AACS: variants seen among roughly 807,000 people sequenced by gnomAD.
AACS encodes acetoacetyl-CoA synthetase.
In AACS, 69 loss-of-function variants were observed where a neutral mutation model predicts 83.1. That is an observed-to-expected ratio of 0.83 (90% confidence interval 0.68 to 1.01). The LOEUF is 1.01. Ranked by LOEUF, AACS falls within the 50% of genes least tolerant of loss-of-function variation. The probability of loss-of-function intolerance (pLI) is 0.00; values close to 1 mark genes in which losing one functional copy is unlikely to be tolerated. For synonymous variants in AACS, 333 were observed against 343.4 expected (o/e 0.97, Z 0.33); for missense variants, 866 against 882.2 (o/e 0.98, Z 0.23).
rs1309920206 is a variant in AACS, at chr12:125,134,787, T to C, written c.1620-7T>C. Reference sequence around the variant, plus strand: ...CGGTGTGGCCCTGACCTCTTCTCTCTTTCCAGTGACGGCACCCTCAACCCC... The same window carrying C: ...CGGTGTGGCCCTGACCTCTTCTCTCCTTCCAGTGACGGCACCCTCAACCCC... On this transcript the variant is annotated splice_polypyrimidine_tract_variant and splice_region_variant and intron_variant, in intron 15 of 17. Transcript: ENST00000316519. 3 of 1,614,032 alleles carry C rather than the reference T, an allele frequency of 1.9e-6. No homozygotes were observed. In the Admixed American group the frequency reaches 5.0e-5, roughly 27 times the overall value.
At chr12:125,098,393 A>G (rs73421898) in intron 5 of AACS, among the ~76,000 whole-genome samples, 3 of 134,904 alleles carry the variant, frequency 2.2e-5, no homozygotes, top group Non-Finnish European at 5.1e-5. Flanking sequence ...AACCCTGTCT[A>G]AAAAAAAAAA....
Position 125,103,986 on chromosome 12 carries a change from T to TAAAAAA in AACS, c.767+905_767+906insAAAAAA, listed in dbSNP as rs1565940149. On this transcript the variant is annotated intron_variant, in intron 7 of 17. Coordinates refer to ENST00000316519, the MANE Select transcript of AACS (RefSeq NM_023928.5). ...CTGGGCAAAAAAGCGAAACTCCGTCTCAAAAAAAAAAAAAAAAAAAAAAAA... is the reference window on the plus strand; with the variant it reads ...CTGGGCAAAAAAGCGAAACTCCGTCTAAAAAACAAAAAAAAAAAAAAAAAAAAAAAA... 1.5e-3 allele frequency among the ~76,000 whole-genome samples: 3 copies of TAAAAAA among 1,986 alleles called. 1 individual carries two copies. Among genetic ancestry groups the TAAAAAA allele is most frequent in the Non-Finnish European group, 6.9e-3 (3 of 436 alleles). 1.3% of individuals were successfully genotyped at this position (1,986 alleles called of 152,430 possible). A position where few individuals can be genotyped will look rare whatever the true frequency, so the allele number is the denominator to read the frequency against.
chr12:125,116,516 T>G (rs1369834713), intron 9 of AACS, among the ~76,000 whole-genome samples: 1 of 152,136 alleles, frequency 6.6e-6, no homozygotes, highest in Non-Finnish European at 1.5e-5. Context: ...CAGGCTGGAG[T>G]GCAGTGGCGC....
chr12:125,111,209 G>A (rs1005024592), intron 8 of AACS, among the ~76,000 whole-genome samples: 4 of 151,742 alleles, frequency 2.6e-5, no homozygotes, highest in Admixed American at 1.3e-4. Context: ...AGTTGGAATC[G>A]CGTTTTCCCT....
At chr12:125,127,993 T>C in intron 12 of AACS, 168 bp from the exon 13 acceptor site, 1 of 468,588 alleles carries the variant, frequency 2.1e-6, no homozygotes, top group Non-Finnish European at 3.8e-6. Flanking sequence ...CCATATCACC[T>C]CTCCCACTGC....
chr12:125,105,022 A>G (rs1956803049), intron 7 of AACS: 1 of 151,784 alleles, frequency 6.6e-6, no homozygotes, highest in Non-Finnish European at 1.5e-5. Flanking sequence ...GGGGTGCCAC[A>G]CACTTTTCAA....
chr12:125,085,474 G>A (rs530762436), intron 3 of AACS, among the ~76,000 whole-genome samples: 4 of 150,040 alleles, frequency 2.7e-5, no homozygotes, highest in Non-Finnish European at 4.4e-5. Context: ...CGTGTGTTTC[G>A]TGGAACCACA....
At chr12:125,114,422 T>C in intron 8 of AACS, 55 bp from the exon 9 acceptor site, 1 of 1,468,110 alleles carries the variant, frequency 6.8e-7, no homozygotes, top group South Asian at 1.2e-5. Context: ...GGTACCAGAT[T>C]CCTGGTACTG....
intron 8 of AACS, among the ~76,000 whole-genome samples, chr12:125,111,562 A>T (rs1031082057): frequency 6.6e-6 from 1 of 152,224 alleles, no homozygotes; most frequent in Non-Finnish European, 1.5e-5. Context: ...GTGACTAAGC[A>T]TCTTGCTCGT....
intron 17 of AACS, 143 bp downstream of exon 17, chr12:125,137,007 C>A: frequency 1.3e-6 from 1 of 796,934 alleles, no homozygotes; most frequent in Non-Finnish European, 2.0e-6. Context: ...CTCTCCCTGC[C>A]ATCCTTTTTC....
rs536383992 is a variant in AACS, at chr12:125,113,394, C to T, written c.916-1083C>T. On this transcript the variant is annotated intron_variant, in intron 8 of 17. Coordinates refer to ENST00000316519, the MANE Select transcript of AACS (RefSeq NM_023928.5). The surrounding 1 kb of genome is among the most constrained non-coding windows in gnomAD (Gnocchi z 4.8). ...GTGGTCACTGAAGGGGCAGCATCCC[C>T]GTCTGTCCTCAGGATCTTGTACGAG... Among the ~76,000 whole-genome samples, 4 of 152,342 alleles carry T rather than the reference C, an allele frequency of 2.6e-5. 1 individual carries two copies. Among genetic ancestry groups the T allele is most frequent in the African/African-American group, 9.6e-5 (4 of 41,578 alleles).
Position 125,080,590 on chromosome 12 carries a change from C to T in AACS, c.358+3979C>T, listed in dbSNP as rs541644603. On this transcript the variant is annotated intron_variant, in intron 3 of 17. Coordinates refer to ENST00000316519, the MANE Select transcript of AACS (RefSeq NM_023928.5). The stretch of plus-strand genomic sequence containing the variant: ...TATAATTCTGTGTCTGTTTCACACC[C>T]CCTACCCCTTTACCTTAGCCTGTCT... Among the ~76,000 whole-genome samples, 48 of 152,148 alleles carry T rather than the reference C, an allele frequency of 3.2e-4. 1 individual carries two copies. The highest frequency in any genetic ancestry group is 1.5e-3 in the East Asian group (8 of 5,186).
chr12:125,103,160 T>C (rs7138557), intron 7 of AACS, 79 bp downstream of exon 7: 519,227 of 1,230,146 alleles, frequency 0.42, 112,000 homozygotes, highest in East Asian at 0.46. Flanking sequence ...CTGGATCTTC[T>C]ACTTGGGGTC....
chr12:125,069,869 G>A (rs1032673565), intron 1 of AACS, among the ~76,000 whole-genome samples: 1 of 152,218 alleles, frequency 6.6e-6, no homozygotes. Flanking sequence ...GTTAGTGGAC[G>A]CTGGGCATTC....
intron 2 of AACS, among the ~76,000 whole-genome samples, chr12:125,074,242 T>C (rs1157178396): frequency 1.3e-5 from 2 of 152,162 alleles, no homozygotes; most frequent in Non-Finnish European, 2.9e-5. Flanking sequence ...TTTGTTTGTT[T>C]GTTTGTTTTT....
At position 125,129,370 on chromosome 12, in the gene AACS, T is replaced by G; in HGVS notation, c.1459T>G (p.Cys487Gly). The G allele has an allele frequency of 5.0e-6, 8 of 1,613,676 alleles. No individual in the cohort carries two copies. Among genetic ancestry groups the G allele is most frequent in the Non-Finnish European group, 6.8e-6 (8 of 1,179,846 alleles). The change falls in exon 14 of 18, where the codon TGT becomes GGT. Residue 487 changes from cysteine (C) to glycine (G), a missense_variant. Physicochemically the swap from Cys to Gly is radical, Grantham distance 159. Coordinates refer to ENST00000316519, the MANE Select transcript of AACS (RefSeq NM_023928.5). This position sits in a 1 kb window ranked among gnomAD's most constrained non-coding sequence, Gnocchi z 4.3. ...CTGGGGAGAGAGCGGCGAGCTGGTGTGTACTAAGCCGATCCCTTGCCAGCC... is the reference window on the plus strand; with the variant it reads ...CTGGGGAGAGAGCGGCGAGCTGGTGGGTACTAAGCCGATCCCTTGCCAGCC... ...AVWGESGELVCTKPIPCQPTH... is the reference protein window; with the variant it reads ...AVWGESGELVGTKPIPCQPTH...
rs150484187 is a variant in AACS at position 125,118,733 on chromosome 12, C to T, written c.1089C>T (p.Pro363=). ...ATGGCTCCCCCCTGGTGCCCACGCC[C>T]AATGTGCTCTGGGACCTGGTTGACA... The part of the protein sequence containing the change: ...LYDGSPLVPT[P]NVLWDLVDRI... Residue 363 remains proline, a synonymous_variant, in exon 10 of 18, where the codon CCC becomes CCT. Transcript: ENST00000316519. 3.4e-5 allele frequency: 55 copies of T among 1,614,026 alleles called. No individual in the cohort carries two copies. The African/African-American group carries it at 6.7e-4, about 20-fold the overall frequency.
chr12:125,085,081 G>C lies in AACS; in HGVS notation c.359-1249G>C, dbSNP rs1956299867. On this transcript the variant is annotated intron_variant, in intron 3 of 17. Coordinates refer to ENST00000316519, the MANE Select transcript of AACS (RefSeq NM_023928.5). ...ATGTAAGTGATTGCCCGGGGTGGGG[G>C]TGGTGTAGGGGTCAGGGATGACTAT... is the stretch of plus-strand genomic sequence containing the variant. Among the ~76,000 whole-genome samples the C allele has an allele frequency of 1.3e-5, 2 of 152,178 alleles. 1 individual carries two copies. Among genetic ancestry groups the C allele is most frequent in the South Asian group, 4.1e-4 (2 of 4,832 alleles).
intron 5 of AACS, 88 bp downstream of exon 5, chr12:125,091,611 C>G (rs1359026935): frequency 1.5e-6 from 2 of 1,355,882 alleles, no homozygotes; most frequent in Admixed American, 3.6e-5. Flanking sequence ...CCAGGGGAGC[C>G]GGACAGCAGC....
Sources: gnomAD v4.1 joint callset for allele counts (sites outside exome capture counted in the v4.1 genomes callset) on GRCh38, gnomAD v4.1.1 for gene constraint, Gnocchi (gnomAD v3.1) non-coding constraint, MANE v1.5 for transcripts, NCBI Gene and HGNC (gene_info 2026-07-23, HGNC 2026-07-21) for gene names.